The following FARS2 variants were observed in gnomAD, a reference collection of about 807,000 sequenced individuals.
FARS2 encodes the protein phenylalanine--tRNA ligase, mitochondrial.
In FARS2, 40 loss-of-function variants were observed where a neutral mutation model predicts 46.4. That is an observed-to-expected ratio of 0.86 (90% confidence interval 0.67 to 1.12). The LOEUF is 1.12. Among genes scored for constraint, FARS2 ranks in the 50% most tolerant of loss-of-function variants. The pLI is 0.00. For missense variants in FARS2, 513 were observed against 567.9 expected, an observed-to-expected ratio of 0.90 and a Z score of 0.98; for synonymous variants, 234 against 214.9, an observed-to-expected ratio of 1.09 and a Z score of -0.78.
intron 4 of FARS2, among the ~76,000 whole-genome samples, chr6:5,497,520 C>T (rs1424265387): frequency 6.6e-6 from 1 of 152,186 alleles, no homozygotes; most frequent in East Asian, 1.9e-4. Flanking sequence ...GTAAAAGGAA[C>T]ATTGGGTGTT....
chr6:5,620,085 C>T (rs899135530), intron 6 of FARS2, among the ~76,000 whole-genome samples: 13 of 151,928 alleles, frequency 8.6e-5, no homozygotes, highest in Admixed American at 6.6e-4. Context: ...GTTTTTTAAC[C>T]TCTGCACTAC....
intron 5 of FARS2, among the ~76,000 whole-genome samples, chr6:5,586,804 A>G (rs78630554): frequency 0.012 from 1,811 of 152,180 alleles, 49 homozygotes; most frequent in African/African-American, 0.037. Flanking sequence ...AATTTTTGGT[A>G]GCTATGTTTC....
At chr6:5,658,184 A>AG (rs1424181365) in intron 6 of FARS2, among the ~76,000 whole-genome samples, 3 of 151,664 alleles carry the variant, frequency 2.0e-5, no homozygotes, top group African/African-American at 7.3e-5. Context: ...TGAACCCGGA[A>AG]GGTGGAGTTT....
At chr6:5,562,801 T>C (rs1226695932) in intron 5 of FARS2, among the ~76,000 whole-genome samples, 1 of 150,760 alleles carries the variant, frequency 6.6e-6, no homozygotes, top group African/African-American at 2.4e-5. Context: ...TTCTTTTTTC[T>C]TTTTCTTTTT....
chr6:5,314,141 C>T (rs1769279856), intron 1 of FARS2, among the ~76,000 whole-genome samples: 1 of 152,286 alleles, frequency 6.6e-6, no homozygotes, highest in South Asian at 2.1e-4. Context: ...AAAGATCATT[C>T]AGATTGCTTT....
chr6:5,443,270 G>T (rs1006480110), intron 4 of FARS2, among the ~76,000 whole-genome samples: 5 of 152,186 alleles, frequency 3.3e-5, no homozygotes, highest in Non-Finnish European at 7.3e-5. Flanking sequence ...GCAAATAAAA[G>T]GTGTGGATGG....
At position 5,626,648 on chromosome 6, in the gene FARS2, C is replaced by T. The variant is rs117317153; in HGVS notation, c.1217+13328C>T. On this transcript the variant is annotated intron_variant, in intron 6 of 6. Transcript: ENST00000274680. The stretch of plus-strand genomic sequence containing the variant: ...CATGCAAATAAAGGTTTGGATATTT[C>T]ACCTCAGACCTGGTTAGATCTCAGT... 2.0e-4 allele frequency among the ~76,000 whole-genome samples: 30 copies of T among 152,354 alleles called. No individual in the cohort carries two copies. The East Asian group carries it at 5.4e-3, about 27-fold the overall frequency.
chr6:5,481,444 A>G (rs1382904322), intron 4 of FARS2, among the ~76,000 whole-genome samples: 1 of 152,122 alleles, frequency 6.6e-6, no homozygotes, highest in East Asian at 1.9e-4. Flanking sequence ...TGTAATTACT[A>G]CCACAGTTTC....
chr6:5,637,956 C>T (rs777789681), intron 6 of FARS2, among the ~76,000 whole-genome samples: 5 of 152,134 alleles, frequency 3.3e-5, no homozygotes, highest in Non-Finnish European at 5.9e-5. Flanking sequence ...CTGCAACATA[C>T]GAATTTTGGG....
At chr6:5,674,788 T>G (rs1472390846) in intron 6 of FARS2, among the ~76,000 whole-genome samples, 1 of 152,198 alleles carries the variant, frequency 6.6e-6, no homozygotes, top group African/African-American at 2.4e-5. Context: ...TTTTGCCAGT[T>G]ACCAACATTA....
chr6:5,613,351 G>T, intron 6 of FARS2, 31 bp downstream of exon 6: 1 of 1,595,822 alleles, frequency 6.3e-7, no homozygotes. Context: ...TTTTACCCTT[G>T]ACTATCTCTG....
At chr6:5,588,230 G>A (rs1199901471) in intron 5 of FARS2, among the ~76,000 whole-genome samples, 1 of 138,846 alleles carries the variant, frequency 7.2e-6, no homozygotes, top group Non-Finnish European at 1.6e-5. Context: ...ACATGTTAAG[G>A]GGCCCAGGGT....
intron 6 of FARS2, among the ~76,000 whole-genome samples, chr6:5,680,761 C>G (rs1778995324): frequency 6.9e-6 from 1 of 144,870 alleles, no homozygotes; most frequent in Non-Finnish European, 1.5e-5. Flanking sequence ...TTTGCTTCTA[C>G]AAAGTACTGT....
rs398000284 is a variant in FARS2 at position 5,405,480 on chromosome 6, C to CTTTTTTTTTTTTTTTT, written c.772+789_772+804dup. 2.9e-3 allele frequency among the ~76,000 whole-genome samples: 170 copies of CTTTTTTTTTTTTTTTT among 58,958 alleles called. 28 individuals are homozygous for CTTTTTTTTTTTTTTTT. Among genetic ancestry groups the CTTTTTTTTTTTTTTTT allele is most frequent in the Non-Finnish European group, 3.6e-3 (117 of 32,158 alleles). The allele number at this position is 58,958 out of a possible 152,430, so 38.7% of individuals were successfully genotyped here. On this transcript the variant is annotated intron_variant, in intron 3 of 6. Coordinates refer to ENST00000274680, the MANE Select transcript of FARS2 (RefSeq NM_006567.5). ...AGGACGTGATCAGTGGAGCAAGGTTCTTTTTTTTTTTTTTTTTTTTTTTTT... is the reference window on the plus strand; with the variant it reads ...AGGACGTGATCAGTGGAGCAAGGTTCTTTTTTTTTTTTTTTTTTTTTTTTTTTTTTTTTTTTTTTTT...
chr6:5,744,095 G>A (rs1761506194), intron 6 of FARS2, among the ~76,000 whole-genome samples: 1 of 152,202 alleles, frequency 6.6e-6, no homozygotes, highest in Admixed American at 6.5e-5. Flanking sequence ...GGGAACAGTG[G>A]TTTGTGAGGG....
chr6:5,738,106 A>G (rs1247268490), intron 6 of FARS2, among the ~76,000 whole-genome samples: 1 of 152,092 alleles, frequency 6.6e-6, no homozygotes, highest in African/African-American at 2.4e-5. Context: ...GCACACCACC[A>G]CGCCCAGCTA....
At position 5,551,556 on chromosome 6, in the gene FARS2, A is replaced by G. The variant is rs373775393; in HGVS notation, c.1065+6216A>G. 3.4e-4 allele frequency among the ~76,000 whole-genome samples: 52 copies of G among 152,326 alleles called. No homozygotes were observed. In the South Asian group the frequency reaches 6.4e-3, roughly 19 times the overall value. On this transcript the variant is annotated intron_variant, in intron 5 of 6. Transcript: ENST00000274680. ...ATGTATTTGTTACAAGCAATACCTC[A>G]CTTCCAGATACAAAAATACGTATTA...
intron 6 of FARS2, among the ~76,000 whole-genome samples, chr6:5,688,946 A>G (rs1757467312): frequency 6.6e-6 from 1 of 152,202 alleles, no homozygotes; most frequent in Admixed American, 6.5e-5. Context: ...GTATGTGTCG[A>G]GGAATTTATC....
intron 5 of FARS2, among the ~76,000 whole-genome samples, chr6:5,605,567 C>G (rs901419377): frequency 7.9e-5 from 12 of 152,200 alleles, no homozygotes; most frequent in Non-Finnish European, 1.2e-4. Flanking sequence ...ACCATAAAAA[C>G]CTCTGAGCAG....
Sources: gnomAD v4.1 joint callset for allele counts (sites outside exome capture counted in the v4.1 genomes callset) on GRCh38, gnomAD v4.1.1 for gene constraint, MANE v1.5 for transcripts, NCBI Gene and HGNC (gene_info 2026-07-23, HGNC 2026-07-21) for gene names.